ANKFN1: variants seen among roughly 807,000 people sequenced by gnomAD.
ANKFN1 encodes the protein ankyrin repeat and fibronectin type-III domain-containing protein 1.
A neutral mutation model predicts 108.7 loss-of-function variants in ANKFN1; 74 were observed. That is an observed-to-expected ratio of 0.68 (90% CI 0.56 to 0.83). The LOEUF is 0.83. ANKFN1 is among the 40% of genes least tolerant of loss of function. The probability of loss-of-function intolerance (pLI) is 0.00; values close to 1 mark genes in which losing one functional copy is unlikely to be tolerated. For missense variants in ANKFN1, 1,505 were observed against 1,382.3 expected (o/e 1.09, Z -1.41); for synonymous variants, 547 against 516.2 (o/e 1.06, Z -0.81).
intron 6 of ANKFN1, chr17:56,367,987 T>C (rs888818572): frequency 5.0e-5 from 12 of 241,162 alleles, no homozygotes; most frequent in Non-Finnish European, 9.2e-5. Flanking sequence ...ATGAAGATCA[T>C]GAATAAGTCA....
intron 20 of ANKFN1, among the ~76,000 whole-genome samples, chr17:56,501,533 A>G (rs944734353): frequency 6.6e-6 from 1 of 152,188 alleles, no homozygotes; most frequent in African/African-American, 2.4e-5. Context: ...GGGCATGTTG[A>G]ATTTGCGTTG....
chr17:56,053,119 T>C (rs1039592074), intron 4 of ANKFN1, among the ~76,000 whole-genome samples: 1 of 152,224 alleles, frequency 6.6e-6, no homozygotes, highest in Admixed American at 6.5e-5. Flanking sequence ...GGATACTTTT[T>C]GTAGGGGCTT....
At chr17:56,217,779 G>A (rs1915529821) in intron 2 of ANKFN1, among the ~76,000 whole-genome samples, 1 of 152,104 alleles carries the variant, frequency 6.6e-6, no homozygotes, top group African/African-American at 2.4e-5. Context: ...AGCATACTAT[G>A]TTTAAAAATA....
chr17:56,301,754 G>A (rs2044677071), intron 3 of ANKFN1, among the ~76,000 whole-genome samples: 1 of 152,202 alleles, frequency 6.6e-6, no homozygotes, highest in African/African-American at 2.4e-5. Context: ...TAATTGATAA[G>A]CATGTCTGTA....
chr17:56,172,607 C>T (rs987272455), intron 1 of ANKFN1, among the ~76,000 whole-genome samples: 3 of 152,072 alleles, frequency 2.0e-5, no homozygotes, highest in African/African-American at 7.2e-5. Context: ...ATGGGAGGTG[C>T]CAACTCAGAG....
At chr17:56,054,142 C>G (rs1295948509) in intron 4 of ANKFN1, among the ~76,000 whole-genome samples, 1 of 152,132 alleles carries the variant, frequency 6.6e-6, no homozygotes, top group East Asian at 1.9e-4. Context: ...TTAGTACAAC[C>G]TCTATGGAAA....
chr17:56,467,763 GAA>G (rs2050132838), intron 15 of ANKFN1, among the ~76,000 whole-genome samples: 1 of 27,370 alleles, frequency 3.7e-5, no homozygotes, highest in Non-Finnish European at 6.6e-5. Flanking sequence ...AAGAAAGAAA[GAA>G]AGAAAGAAAG....
rs555593718 is a variant in ANKFN1, at chr17:56,132,275, G to T, written c.288+85950G>T. ...TTACTCTCCCCATTTGATAAATGAAGAAACATGACATTAAAGCAACTTTGG... is the reference window on the plus strand; with the variant it reads ...TTACTCTCCCCATTTGATAAATGAATAAACATGACATTAAAGCAACTTTGG... On this transcript the variant is annotated intron_variant, in intron 4 of 12. Coordinates refer to the ANKFN1 transcript ENST00000635860. 2.6e-5 allele frequency among the ~76,000 whole-genome samples: 4 copies of T among 152,260 alleles called. No homozygotes were observed. In the South Asian group the frequency reaches 6.2e-4, roughly 24 times the overall value.
chr17:56,149,901 G>A (rs1908493291), upstream of ANKFN1, among the ~76,000 whole-genome samples: 1 of 152,206 alleles, frequency 6.6e-6, no homozygotes, highest in Admixed American at 6.5e-5. Flanking sequence ...TTGGAAGGAA[G>A]CCTTTATCAA....
intron 4 of ANKFN1, among the ~76,000 whole-genome samples, chr17:56,086,270 C>A (rs1905313068): frequency 6.6e-6 from 1 of 150,776 alleles, no homozygotes; most frequent in East Asian, 1.9e-4. Flanking sequence ...CCTGATGTAG[C>A]AGCAAGTGCT....
chr17:56,160,110 T>C (rs1157444119), intron 1 of ANKFN1, among the ~76,000 whole-genome samples: 10 of 152,232 alleles, frequency 6.6e-5, no homozygotes, highest in Non-Finnish European at 2.9e-5. Context: ...TACATGTGGT[T>C]CTAACCACCT....
At chr17:56,298,074 C>A (rs1331798570) in intron 3 of ANKFN1, among the ~76,000 whole-genome samples, 1 of 152,122 alleles carries the variant, frequency 6.6e-6, no homozygotes, top group Non-Finnish European at 1.5e-5. Context: ...GTAAAAATGC[C>A]AATTCTCAGG....
At chr17:56,124,496 G>A (rs377405495) in intron 4 of ANKFN1, among the ~76,000 whole-genome samples, 2 of 152,160 alleles carry the variant, frequency 1.3e-5, no homozygotes, top group Non-Finnish European at 1.5e-5. Context: ...TGTCCCTGCC[G>A]GTTTACTCAG....
At chr17:56,101,046 C>T (rs1256043108) in intron 4 of ANKFN1, among the ~76,000 whole-genome samples, 3 of 152,026 alleles carry the variant, frequency 2.0e-5, no homozygotes, top group Non-Finnish European at 4.4e-5. Flanking sequence ...ACATTGGGAT[C>T]CACCTGCACC....
chr17:56,354,998 A>G (rs1162072367), intron 6 of ANKFN1, among the ~76,000 whole-genome samples: 1 of 152,110 alleles, frequency 6.6e-6, no homozygotes, highest in Non-Finnish European at 1.5e-5. Context: ...AATTTTGACA[A>G]TTAGGTAGGA....
chr17:56,062,573 T>TTTTTTTTTTTTTTTTTTTCTTTTTTC (rs1555589520), intron 4 of ANKFN1, among the ~76,000 whole-genome samples: 1 of 145,146 alleles, frequency 6.9e-6, no homozygotes, highest in African/African-American at 2.8e-5. Context: ...TTTTTTTTTT[T>TTTTTTTTTTTTTTTTTTTCTTTTTTC]CTTTCCATTT....
chr17:56,504,385 A>C (rs191049975), intron 20 of ANKFN1, among the ~76,000 whole-genome samples: 1 of 152,164 alleles, frequency 6.6e-6, no homozygotes, highest in East Asian at 1.9e-4. Flanking sequence ...GAAATCTCCT[A>C]TCTCTCATGT....
At chr17:56,274,547 G>A (rs942221481) in intron 3 of ANKFN1, among the ~76,000 whole-genome samples, 1 of 152,162 alleles carries the variant, frequency 6.6e-6, no homozygotes, top group African/African-American at 2.4e-5. Context: ...CAGAAACTGA[G>A]GCTCAGAGAG....
intron 3 of ANKFN1, among the ~76,000 whole-genome samples, chr17:56,280,904 T>C (rs1442915804): frequency 1.3e-5 from 2 of 152,152 alleles, no homozygotes; most frequent in Non-Finnish European, 2.9e-5. Flanking sequence ...TGGGGGTAGG[T>C]CTTTCTCATG....
Sources: gnomAD v4.1 joint callset for allele counts (sites outside exome capture counted in the v4.1 genomes callset) on GRCh38, gnomAD v4.1.1 for gene constraint, MANE v1.5 for transcripts, NCBI Gene and HGNC (gene_info 2026-07-23, HGNC 2026-07-21) for gene names.